KDM1B: variants seen among roughly 807,000 people sequenced by gnomAD.
The protein encoded by KDM1B is lysine-specific histone demethylase 2.
A neutral mutation model predicts 107.4 loss-of-function variants in KDM1B; 63 were observed. That is an observed-to-expected ratio of 0.59 (90% CI 0.48 to 0.72). KDM1B has a LOEUF of 0.72. KDM1B is among the 30% of genes least tolerant of loss of function. The probability of loss-of-function intolerance (pLI) is 0.00; values close to 1 mark genes in which losing one functional copy is unlikely to be tolerated. For missense variants in KDM1B, 749 were observed against 1,020.8 expected (o/e 0.73, Z 3.63); for synonymous variants, 363 against 363.9 (o/e 1.00, Z 0.03).
chr6:18,169,692 C>G (rs74586189), intron 6 of KDM1B, among the ~76,000 whole-genome samples: 1 of 151,986 alleles, frequency 6.6e-6, no homozygotes, highest in Non-Finnish European at 1.5e-5. Context: ...TTGGTGTTAC[C>G]GCTTATAATT....
intron 10 of KDM1B, among the ~76,000 whole-genome samples, chr6:18,192,900 TTG>T (rs1247192980): frequency 6.6e-6 from 1 of 152,058 alleles, no homozygotes; most frequent in Non-Finnish European, 1.5e-5. Context: ...ATACAATTTA[TTG>T]TGTATACCGG....
chr6:18,158,684 T>C (rs1322844306), intron 2 of KDM1B, among the ~76,000 whole-genome samples: 2 of 152,246 alleles, frequency 1.3e-5, no homozygotes, highest in Non-Finnish European at 2.9e-5. Flanking sequence ...TAATTATAGA[T>C]TCTGTATATT....
In KDM1B at chr6:18,209,075, G is replaced by A. The variant is rs1254473295; in HGVS notation, c.1866+869G>A. On this transcript the variant is annotated intron_variant, in intron 17 of 21. Transcript: ENST00000650836. The surrounding 1 kb of genome is among the most constrained non-coding windows in gnomAD (Gnocchi z 4.3). ...TCCTTCTTCAGATCAGGAAAGTTCTGTTTTCATCTTGAAATCTTGAAACTA... is the reference window on the plus strand; with the variant it reads ...TCCTTCTTCAGATCAGGAAAGTTCTATTTTCATCTTGAAATCTTGAAACTA... 6.6e-6 allele frequency among the ~76,000 whole-genome samples: 1 copy of A among 152,044 alleles called. No homozygotes were observed. Among genetic ancestry groups the A allele is most frequent in the Non-Finnish European group, 1.5e-5 (1 of 68,000 alleles).
At position 18,155,478 on chromosome 6, in the gene KDM1B, G is replaced by T. The variant is rs1784522860; in HGVS notation, c.-151G>T. On this transcript the variant is annotated 5_prime_UTR_variant, in exon 1 of 22. Coordinates refer to ENST00000650836, the MANE Select transcript of KDM1B (RefSeq NM_001364614.2). This position sits in a 1 kb window ranked among gnomAD's most constrained non-coding sequence, Gnocchi z 6.2. ...CGGCCGAGAAGAGGCTGGGGCTCGC[G>T]GCGCGGCTGCAGCCGTCCTGTGCGC... The T allele has an allele frequency of 6.4e-6, 1 of 156,036 alleles. No homozygotes were observed. The highest frequency in any genetic ancestry group is 1.4e-5 in the Non-Finnish European group (1 of 70,818). 9.7% of individuals were successfully genotyped at this position (156,036 alleles called of 1,614,324 possible). A position where few individuals can be genotyped will look rare whatever the true frequency, so the allele number is the denominator to read the frequency against.
intron 17 of KDM1B, among the ~76,000 whole-genome samples, chr6:18,210,011 T>C (rs944405344): frequency 2.0e-4 from 31 of 152,222 alleles, no homozygotes; most frequent in Admixed American, 1.6e-3. Flanking sequence ...TGTTACTCTC[T>C]GCCTGACCCT....
chr6:18,192,131 A>G (rs1787319549), intron 10 of KDM1B, among the ~76,000 whole-genome samples: 1 of 152,022 alleles, frequency 6.6e-6, no homozygotes, highest in African/African-American at 2.4e-5. Context: ...GTGTGGTGGC[A>G]CATGCCCATA....
intron 7 of KDM1B, among the ~76,000 whole-genome samples, chr6:18,177,251 G>T (rs80294936): frequency 1.3e-5 from 2 of 152,076 alleles, no homozygotes; most frequent in Non-Finnish European, 2.9e-5. Context: ...GATTATGTGC[G>T]TAAAAGTGTT....
chr6:18,173,575 C>A (rs1204621631), intron 7 of KDM1B, among the ~76,000 whole-genome samples: 2 of 152,024 alleles, frequency 1.3e-5, no homozygotes, highest in Non-Finnish European at 2.9e-5. Context: ...CATTGGTTAC[C>A]TTTCACCTTG....
In KDM1B at chr6:18,165,904, G is replaced by A. The variant is rs966558743; in HGVS notation, c.306-363G>A. On this transcript the variant is annotated intron_variant, in intron 5 of 21. Transcript: ENST00000650836. ...CTTGGGAGCCTGAGGCAGAAGGATC[G>A]CTTGAGCTTGGGAGTTCGAGGTTGC... Among the ~76,000 whole-genome samples, 3 of 152,120 alleles carry A rather than the reference G, an allele frequency of 2.0e-5. No individual in the cohort carries two copies. In the East Asian group the frequency reaches 5.8e-4, roughly 29 times the overall value.
At position 18,222,719 on chromosome 6, in the gene KDM1B, T is replaced by C. The variant is rs533926526; in HGVS notation, c.*727T>C. On this transcript the variant is annotated 3_prime_UTR_variant, in exon 22 of 22. Transcript: ENST00000650836. ...AGCACAGATAGTGTGGGCTTCACACTATAGACACAGAATATAGCTTTTTCT... is the reference window on the plus strand; with the variant it reads ...AGCACAGATAGTGTGGGCTTCACACCATAGACACAGAATATAGCTTTTTCT... 2.0e-5 allele frequency: 3 copies of C among 153,012 alleles called. No individual in the cohort carries two copies. The highest frequency in any genetic ancestry group is 7.2e-5 in the African/African-American group (3 of 41,468). The allele number at this position is 153,012 out of a possible 1,614,324, so 9.5% of individuals were successfully genotyped here. A position where few individuals can be genotyped will look rare whatever the true frequency, so the allele number is the denominator to read the frequency against.
chr6:18,223,434 A>G lies in KDM1B; in HGVS notation c.*1442A>G, dbSNP rs1395108806. The G allele has an allele frequency of 6.8e-6, 1 of 146,742 alleles. No homozygotes were observed. The highest frequency in any genetic ancestry group is 2.5e-5 in the African/African-American group (1 of 39,900). The allele number at this position is 146,742 out of a possible 1,614,324, so 9.1% of individuals were successfully genotyped here. ...CCAAGACAACTCTGATATTTAGGTT[A>G]TTTGTTGAGACTCATTGGTACTGAC... On this transcript the variant is annotated 3_prime_UTR_variant, in exon 22 of 22. Coordinates refer to ENST00000650836, the MANE Select transcript of KDM1B (RefSeq NM_001364614.2).
At chr6:18,217,070 T>C (rs1432650816) in intron 20 of KDM1B, among the ~76,000 whole-genome samples, 1 of 127,604 alleles carries the variant, frequency 7.8e-6, no homozygotes, top group Non-Finnish European at 1.7e-5. Context: ...CCTTTTCTTC[T>C]TGGGCCAGAG....
Position 18,159,288 on chromosome 6 carries a change from A to G in KDM1B, c.-13-595A>G, listed in dbSNP as rs188526460. On this transcript the variant is annotated intron_variant, in intron 2 of 21. Coordinates refer to ENST00000650836, the MANE Select transcript of KDM1B (RefSeq NM_001364614.2). The surrounding 1 kb of genome is among the most constrained non-coding windows in gnomAD (Gnocchi z 4.5). ...GCCATGAGTTTTCTTTTTAAAGTGT[A>G]ATAAGAGATCAAAGTGCAGGAACTG... 1.3e-3 allele frequency among the ~76,000 whole-genome samples: 192 copies of G among 152,262 alleles called. No individual in the cohort carries two copies. The highest frequency in any genetic ancestry group is 2.0e-3 in the Non-Finnish European group (137 of 68,018).
chr6:18,185,788 A>C lies in KDM1B; in HGVS notation c.551A>C (p.His184Pro). ...CTTTTGTAGCCTGAGACCTCAGATC[A>C]TTGTTCCCTCCCAGAGGATCTAGTG... Reference protein sequence around the residue: ...NTAIKPETSDHCSLPEDLRVL... With the variant: ...NTAIKPETSDPCSLPEDLRVL... The change falls in exon 8 of 22, where the codon CAT (histidine) becomes CCT (proline). Residue 184 changes from histidine to proline, a missense_variant. Physicochemically the swap from His to Pro is moderately conservative, Grantham distance 77. Transcript: ENST00000650836. 1 of 1,614,042 alleles carries C rather than the reference A, an allele frequency of 6.2e-7. No individual in the cohort carries two copies. The highest frequency in any genetic ancestry group is 8.5e-7 in the Non-Finnish European group (1 of 1,179,942).
Position 18,201,594 on chromosome 6 carries a change from C to G in KDM1B, c.1468C>G (p.Leu490Val). ...GCGCATGGATTTTCATTTTAATGCTCTCTTGGATGTTGTCTCTGAGTGGAG... is the reference window on the plus strand; with the variant it reads ...GCGCATGGATTTTCATTTTAATGCTGTCTTGGATGTTGTCTCTGAGTGGAG... ...DKRMDFHFNA[L>V]LDVVSEWRKD... The change falls in exon 14 of 22, where the codon CTC (leucine) becomes GTC (valine). Residue 490 changes from leucine to valine, a missense_variant. Leu to Val is a conservative substitution (Grantham distance 32, BLOSUM62 1). Coordinates refer to ENST00000650836, the MANE Select transcript of KDM1B (RefSeq NM_001364614.2). This position sits in a 1 kb window ranked among gnomAD's most constrained non-coding sequence, Gnocchi z 4.3. 1 of 1,550,628 alleles carries G rather than the reference C, an allele frequency of 6.4e-7. No homozygotes were observed. The highest frequency in any genetic ancestry group is 8.7e-7 in the Non-Finnish European group (1 of 1,146,884).
chr6:18,205,483 T>A lies in KDM1B; in HGVS notation c.1532-54T>A. ...GAGGTTGAAAGCAAAGGAGAAAGAA[T>A]TGGAGAATCTTGTTAAAGCTATTTT... is the stretch of plus-strand genomic sequence containing the variant. On this transcript the variant is annotated intron_variant, in intron 14 of 21. Coordinates refer to ENST00000650836, the MANE Select transcript of KDM1B (RefSeq NM_001364614.2). The surrounding 1 kb of genome is among the most constrained non-coding windows in gnomAD (Gnocchi z 5.7). The A allele has an allele frequency of 6.6e-7, 1 of 1,515,522 alleles. No homozygotes were observed. Among genetic ancestry groups the A allele is most frequent in the East Asian group, 2.6e-5 (1 of 39,006 alleles). 93.9% of individuals were successfully genotyped at this position (1,515,522 alleles called of 1,614,324 possible).
In KDM1B at chr6:18,156,431, G is replaced by T. The variant is rs770616331; in HGVS notation, c.-14+505G>T. On this transcript the variant is annotated intron_variant, in intron 2 of 21. Transcript: ENST00000650836. ...CCAGTTGGGGAATCCCCCACACCACGTATACACACATAACTCAAGGCTTTG... is the reference window on the plus strand; with the variant it reads ...CCAGTTGGGGAATCCCCCACACCACTTATACACACATAACTCAAGGCTTTG... 8.5e-5 allele frequency among the ~76,000 whole-genome samples: 13 copies of T among 152,142 alleles called. No homozygotes were observed. The East Asian group carries it at 9.6e-4, about 11-fold the overall frequency.
chr6:18,222,014 C>A lies in KDM1B; in HGVS notation c.*22C>A, dbSNP rs765969666. ...TTAAGAATTCGGTGGACCCAGCTTT[C>A]TTCTGTACCCCAGATGGGGAAATTT... On this transcript the variant is annotated 3_prime_UTR_variant, in exon 22 of 22. Transcript: ENST00000650836. 1.2e-6 allele frequency: 2 copies of A among 1,605,780 alleles called. No individual in the cohort carries two copies. Among genetic ancestry groups the A allele is most frequent in the Non-Finnish European group, 8.5e-7 (1 of 1,172,470 alleles).
intron 5 of KDM1B, among the ~76,000 whole-genome samples, chr6:18,163,468 G>T (rs1401839469): frequency 6.6e-6 from 1 of 151,980 alleles, no homozygotes; most frequent in Non-Finnish European, 1.5e-5. Context: ...ACTTGTGTTT[G>T]CTTTAGGTTT....
Sources: gnomAD v4.1 joint callset for allele counts (sites outside exome capture counted in the v4.1 genomes callset) on GRCh38, gnomAD v4.1.1 for gene constraint, Gnocchi (gnomAD v3.1) non-coding constraint, MANE v1.5 for transcripts, NCBI Gene and HGNC (gene_info 2026-07-23, HGNC 2026-07-21) for gene names.